Variants in MALT1 observed in about 807,000 individuals in gnomAD.
The protein encoded by MALT1 is mucosa-associated lymphoid tissue lymphoma translocation protein 1.
Under a neutral mutation model 85.5 loss-of-function variants are expected in MALT1, and 36 were observed. That is an observed-to-expected ratio of 0.42 (90% CI 0.32 to 0.56). The LOEUF is 0.56. MALT1 is among the 20% of genes least tolerant of loss of function. The pLI is 0.10. For missense variants in MALT1, 716 were observed against 981.6 expected (o/e 0.73, Z 3.62); for synonymous variants, 359 against 361.3 (o/e 0.99, Z 0.07).
chr18:58,719,669 G>A (rs2054957204), intron 9 of MALT1, among the ~76,000 whole-genome samples: 1 of 152,128 alleles, frequency 6.6e-6, no homozygotes, highest in Admixed American at 6.6e-5. Context: ...TGGTTTGCTG[G>A]GGGCTACCTG....
Position 58,744,233 on chromosome 18 carries a change from A to G in MALT1, c.1754-105A>G, listed in dbSNP as rs142842620. ...AATTGTATGTGTTTAAACAATGTAA[A>G]TCATGTTTTTAAGCAAAAGAAATGC... On this transcript the variant is annotated intron_variant, in intron 14 of 16. Transcript: ENST00000649217. The G allele has an allele frequency of 1.7e-4, 115 of 693,468 alleles. No homozygotes were observed. In the African/African-American group the frequency reaches 1.9e-3, roughly 11 times the overall value. The allele number at this position is 693,468 out of a possible 1,614,324, so 43.0% of individuals were successfully genotyped here. A position where few individuals can be genotyped will look rare whatever the true frequency, so the allele number is the denominator to read the frequency against.
At chr18:58,680,910 A>G (rs559709958) in intron 1 of MALT1, among the ~76,000 whole-genome samples, 99 of 137,680 alleles carry the variant, frequency 7.2e-4, no homozygotes, top group Admixed American at 5.8e-3. Context: ...GGCCTGGGCG[A>G]CAGAGCGAGA....
chr18:58,737,244 C>A (rs1270147548), intron 13 of MALT1, among the ~76,000 whole-genome samples: 1 of 152,068 alleles, frequency 6.6e-6, no homozygotes, highest in East Asian at 1.9e-4. Flanking sequence ...TTTGGGGAGG[C>A]TGAGGCAGGA....
intron 7 of MALT1, among the ~76,000 whole-genome samples, chr18:58,711,971 TG>T (rs1311047289): frequency 2.0e-5 from 3 of 152,182 alleles, no homozygotes; most frequent in African/African-American, 7.2e-5. Flanking sequence ...CCTAATTGCA[TG>T]GTTTTTAAGT....
intron 16 of MALT1, 50 bp downstream of exon 16, chr18:58,745,841 G>T: frequency 1.3e-6 from 2 of 1,563,756 alleles, no homozygotes; most frequent in Non-Finnish European, 1.7e-6. Context: ...TTATGAAACT[G>T]GAAACTTATT....
chr18:58,734,948 G>A (rs1350420464), intron 12 of MALT1, among the ~76,000 whole-genome samples: 2 of 152,170 alleles, frequency 1.3e-5, no homozygotes, highest in African/African-American at 4.8e-5. Flanking sequence ...ATGCTATGAT[G>A]TACGTATTCA....
At chr18:58,729,989 A>T (rs2055124307) in intron 10 of MALT1, among the ~76,000 whole-genome samples, 1 of 152,232 alleles carries the variant, frequency 6.6e-6, no homozygotes, top group African/African-American at 2.4e-5. Context: ...CAGGTGAGTA[A>T]CTTGCTAAGG....
chr18:58,720,089 G>T (rs1324357299), intron 9 of MALT1, among the ~76,000 whole-genome samples: 2 of 152,032 alleles, frequency 1.3e-5, no homozygotes, highest in Admixed American at 6.6e-5. Context: ...TTCTGAAGTG[G>T]CTTCATTATT....
chr18:58,733,835 A>G, intron 11 of MALT1: 3 of 1,159,558 alleles, frequency 2.6e-6, no homozygotes, highest in Non-Finnish European at 3.3e-6. Context: ...TCAACTCTCC[A>G]GAATGCCTTT....
intron 2 of MALT1, among the ~76,000 whole-genome samples, chr18:58,685,142 C>T (rs2054382836): frequency 6.6e-6 from 1 of 152,066 alleles, no homozygotes; most frequent in Non-Finnish European, 1.5e-5. Flanking sequence ...AGTGAAAATA[C>T]AAAATAGAAA....
intron 9 of MALT1, among the ~76,000 whole-genome samples, chr18:58,721,705 AT>A (rs2054985876): frequency 6.6e-6 from 1 of 152,214 alleles, no homozygotes; most frequent in Non-Finnish European, 1.5e-5. Context: ...CACCAGAGAG[AT>A]TTTTGGTGAA....
Position 58,751,380 on chromosome 18 carries a change from CTCT to C in MALT1, c.*3542_*3544del, listed in dbSNP as rs773396719. The C allele has an allele frequency of 1.3e-5, 2 of 149,354 alleles. No homozygotes were observed. The highest frequency in any genetic ancestry group is 4.8e-5 in the African/African-American group (2 of 41,280). The allele number at this position is 149,354 out of a possible 1,614,324, so 9.3% of individuals were successfully genotyped here. A position where few individuals can be genotyped will look rare whatever the true frequency, so the allele number is the denominator to read the frequency against. ...AGGAGAATCGTACTTCCCCTTTATA[CTCT>C]TCTGTATATTTGATTTTTTTTTTTT... On this transcript the variant is annotated 3_prime_UTR_variant, in exon 17 of 17. Transcript: ENST00000649217.
At chr18:58,686,957 A>G (rs2144325194) in intron 2 of MALT1, among the ~76,000 whole-genome samples, 1 of 152,334 alleles carries the variant, frequency 6.6e-6, no homozygotes, top group South Asian at 2.1e-4. Flanking sequence ...CAAAGGTAGG[A>G]TTAAAAACCA....
intron 2 of MALT1, among the ~76,000 whole-genome samples, chr18:58,688,299 T>TACAG (rs1555683323): frequency 2.3e-3 from 315 of 139,668 alleles, no homozygotes; most frequent in African/African-American, 7.9e-3. Flanking sequence ...ATATATATGT[T>TACAG]ACACACACAC....
intron 7 of MALT1, among the ~76,000 whole-genome samples, chr18:58,713,833 T>C (rs956533485): frequency 2.0e-5 from 3 of 152,206 alleles, no homozygotes; most frequent in African/African-American, 4.8e-5. Context: ...GAATAAATTA[T>C]GAAAGAGCCT....
At chr18:58,740,458 A>G (rs2144481746) in intron 13 of MALT1, among the ~76,000 whole-genome samples, 2 of 152,220 alleles carry the variant, frequency 1.3e-5, no homozygotes, top group South Asian at 4.2e-4. Flanking sequence ...CTCTTAAAAC[A>G]TCACTTTCAT....
At chr18:58,708,188 C>T (rs1230774678) in intron 4 of MALT1, among the ~76,000 whole-genome samples, 1 of 152,210 alleles carries the variant, frequency 6.6e-6, no homozygotes, top group African/African-American at 2.4e-5. Context: ...CCCTGTGGAC[C>T]TGCACTTCAC....
At chr18:58,711,495 TACCATGTC>T (rs1474749558) in intron 7 of MALT1, among the ~76,000 whole-genome samples, 1 of 152,214 alleles carries the variant, frequency 6.6e-6, no homozygotes, top group Admixed American at 6.5e-5. Flanking sequence ...CTAGATAATC[TACCATGTC>T]ACCTTTACCA....
At chr18:58,689,893 T>C (rs2054470469) in intron 2 of MALT1, among the ~76,000 whole-genome samples, 1 of 152,096 alleles carries the variant, frequency 6.6e-6, no homozygotes, top group South Asian at 2.1e-4. Flanking sequence ...GCTTGGCTTA[T>C]AGAAGGAAGG....
Sources: gnomAD v4.1 joint callset for allele counts (sites outside exome capture counted in the v4.1 genomes callset) on GRCh38, gnomAD v4.1.1 for gene constraint, MANE v1.5 for transcripts, NCBI Gene and HGNC (gene_info 2026-07-23, HGNC 2026-07-21) for gene names.